CHODL: variants seen among roughly 807,000 people sequenced by gnomAD.
CHODL encodes chondrolectin, also known as transmembrane protein MT75.
Under a neutral mutation model 34.5 loss-of-function variants are expected in CHODL, and 29 were observed. The observed-to-expected ratio is 0.84, with a 90% CI of 0.63 to 1.15. CHODL has a LOEUF of 1.15. Ranked by LOEUF, CHODL falls within the 50% of genes most tolerant of loss-of-function variation. CHODL has a pLI of 0.00. For synonymous variants in CHODL, 125 were observed against 116.1 expected, an observed-to-expected ratio of 1.08 and a Z score of -0.49; for missense variants, 332 against 332.5, an observed-to-expected ratio of 1.00 and a Z score of 0.01.
intron 2 of CHODL, among the ~76,000 whole-genome samples, chr21:18,067,788 C>T (rs1330940860): frequency 6.6e-6 from 1 of 152,114 alleles, no homozygotes; most frequent in Non-Finnish European, 1.5e-5. Context: ...CTTACCATTG[C>T]TATTCCAAAC....
intron 2 of CHODL, among the ~76,000 whole-genome samples, chr21:18,070,032 C>G (rs1568870142): frequency 9.6e-6 from 1 of 104,672 alleles, no homozygotes; most frequent in East Asian, 3.0e-4. Flanking sequence ...CCCTCCCCCC[C>G]CCCACCCATT....
At chr21:18,108,459 T>C (rs1242617541) in intron 2 of CHODL, among the ~76,000 whole-genome samples, 1 of 152,230 alleles carries the variant, frequency 6.6e-6, no homozygotes, top group Non-Finnish European at 1.5e-5. Context: ...AATTAGAAGG[T>C]AAGATTTATT....
chr21:17,996,552 A>G (rs1387173980), intron 1 of CHODL, among the ~76,000 whole-genome samples: 1 of 152,152 alleles, frequency 6.6e-6, no homozygotes, highest in Non-Finnish European at 1.5e-5. Context: ...TAAGTAAGAA[A>G]CTCAGTGGGG....
chr21:18,099,642 A>T (rs1394191477), intron 2 of CHODL, among the ~76,000 whole-genome samples: 2 of 152,088 alleles, frequency 1.3e-5, no homozygotes, highest in African/African-American at 4.8e-5. Context: ...TGAATGCTGG[A>T]AGCCAAGCAA....
rs541319905 is a variant in CHODL, at chr21:18,119,606, C to T, written c.-45+91635C>T. Among the ~76,000 whole-genome samples the T allele has an allele frequency of 4.6e-5, 7 of 152,228 alleles. No homozygotes were observed. The South Asian group carries it at 1.0e-3, about 23-fold the overall frequency. On this transcript the variant is annotated intron_variant, in intron 2 of 6. Coordinates refer to the CHODL transcript ENST00000400127. ...TAGGTCAAGCCAGAGGAACATATGTCTAAGCTTTGGGACTTGAAATAGAGT... is the reference window on the plus strand; with the variant it reads ...TAGGTCAAGCCAGAGGAACATATGTTTAAGCTTTGGGACTTGAAATAGAGT...
chr21:18,260,494 G>T lies in CHODL; in HGVS notation c.634+208G>T, dbSNP rs79619081. Among the ~76,000 whole-genome samples, 940 of 152,176 alleles carry T rather than the reference G, an allele frequency of 6.2e-3. 13 individuals carry two copies. The highest frequency in any genetic ancestry group is 0.022 in the African/African-American group (916 of 41,500). ...AACCTGTTTTGTTTTCTTCAGAGTG[G>T]TACTAAACTAAGTGATCCACATTAA... On this transcript the variant is annotated intron_variant, in intron 4 of 5. Transcript: ENST00000299295.
chr21:17,997,772 C>T (rs2063865290), intron 1 of CHODL, among the ~76,000 whole-genome samples: 1 of 152,068 alleles, frequency 6.6e-6, no homozygotes, highest in South Asian at 2.1e-4. Flanking sequence ...CAGGAAAGAC[C>T]AGCCTCCATG....
At chr21:17,963,015 G>A (rs1277807627) in intron 1 of CHODL, among the ~76,000 whole-genome samples, 1 of 150,952 alleles carries the variant, frequency 6.6e-6, no homozygotes, top group Non-Finnish European at 1.5e-5. Flanking sequence ...AGTGAGCTGA[G>A]ATCGCACCAC....
At chr21:18,045,568 G>A (rs954936904) in intron 2 of CHODL, among the ~76,000 whole-genome samples, 2 of 151,934 alleles carry the variant, frequency 1.3e-5, no homozygotes, top group Non-Finnish European at 1.5e-5. Flanking sequence ...GCATGGCCCT[G>A]TGACACCTTA....
At chr21:17,936,889 C>A (rs2063323536) in intron 1 of CHODL, among the ~76,000 whole-genome samples, 1 of 152,022 alleles carries the variant, frequency 6.6e-6, no homozygotes, top group Non-Finnish European at 1.5e-5. Context: ...GCCTGGCCAA[C>A]ATGGTGAATC....
chr21:18,093,055 G>T (rs544282229), intron 2 of CHODL, among the ~76,000 whole-genome samples: 1 of 152,206 alleles, frequency 6.6e-6, no homozygotes, highest in African/African-American at 2.4e-5. Flanking sequence ...AACCCCAAAG[G>T]TCAAGTATCA....
intron 2 of CHODL, among the ~76,000 whole-genome samples, chr21:18,147,357 G>A (rs553002683): frequency 6.6e-6 from 1 of 152,166 alleles, no homozygotes; most frequent in Non-Finnish European, 1.5e-5. Context: ...CTCTCCAAGC[G>A]CTGGTGGTCC....
chr21:18,053,191 T>C (rs2064537606), intron 2 of CHODL, among the ~76,000 whole-genome samples: 1 of 151,880 alleles, frequency 6.6e-6, no homozygotes, highest in Admixed American at 6.6e-5. Flanking sequence ...AGAAAGAGAA[T>C]AAAGACTATT....
intron 2 of CHODL, among the ~76,000 whole-genome samples, chr21:18,228,523 T>C (rs1005550648): frequency 3.3e-5 from 5 of 151,908 alleles, no homozygotes; most frequent in African/African-American, 4.8e-5. Context: ...TCCTCGGGGG[T>C]TTGTCACACA....
At chr21:18,020,165 C>T (rs768251295) in intron 1 of CHODL, among the ~76,000 whole-genome samples, 10 of 152,126 alleles carry the variant, frequency 6.6e-5, no homozygotes, top group South Asian at 4.2e-4. Context: ...CTATTTTCCC[C>T]GAAGAACCAG....
chr21:18,005,919 A>G (rs1321361720), intron 1 of CHODL, among the ~76,000 whole-genome samples: 1 of 152,156 alleles, frequency 6.6e-6, no homozygotes, highest in African/African-American at 2.4e-5. Flanking sequence ...CTCATCTTGA[A>G]TTGTAACTCC....
At chr21:17,985,865 G>A (rs1296264198) in intron 1 of CHODL, among the ~76,000 whole-genome samples, 1 of 152,136 alleles carries the variant, frequency 6.6e-6, no homozygotes, top group Admixed American at 6.5e-5. Context: ...CTGGAGGCTG[G>A]GAGGTCCAAG....
At chr21:18,105,994 G>A (rs1468319095) in intron 2 of CHODL, among the ~76,000 whole-genome samples, 1 of 152,144 alleles carries the variant, frequency 6.6e-6, no homozygotes, top group African/African-American at 2.4e-5. Flanking sequence ...TGGCCAACCA[G>A]CCACACCTAA....
intron 2 of CHODL, among the ~76,000 whole-genome samples, chr21:18,216,441 T>C (rs2073828959): frequency 6.6e-6 from 1 of 151,948 alleles, no homozygotes; most frequent in South Asian, 2.1e-4. Flanking sequence ...TCTTCCCCAT[T>C]ACACTTCCCA....
Sources: gnomAD v4.1 joint callset for allele counts (sites outside exome capture counted in the v4.1 genomes callset) on GRCh38, gnomAD v4.1.1 for gene constraint, MANE v1.5 for transcripts, NCBI Gene and HGNC (gene_info 2026-07-23, HGNC 2026-07-21) for gene names.